GPD2: variants seen among roughly 807,000 people sequenced by gnomAD.
The protein encoded by GPD2 is glycerol-3-phosphate dehydrogenase, mitochondrial.
In GPD2, 54 loss-of-function variants were observed where a neutral mutation model predicts 82.4. The ratio of observed to expected loss-of-function variants is 0.66; its 90% CI spans 0.53 to 0.82. GPD2 has a LOEUF of 0.82. GPD2 is among the 40% of genes least tolerant of loss of function. The pLI, the probability that GPD2 is intolerant of heterozygous loss-of-function variation, is 0.00. For synonymous variants in GPD2, 288 were observed against 306.1 expected, an observed-to-expected ratio of 0.94 and a Z score of 0.62; for missense variants, 748 against 896.2, an observed-to-expected ratio of 0.83 and a Z score of 2.11.
At chr2:156,476,817 T>C (rs1683530575) in intron 2 of GPD2, among the ~76,000 whole-genome samples, 1 of 152,208 alleles carries the variant, frequency 6.6e-6, no homozygotes, top group South Asian at 2.1e-4. Flanking sequence ...CCGGAAATAA[T>C]TTTGCTGAAT....
At chr2:156,492,556 C>G (rs1684221325) in intron 2 of GPD2, among the ~76,000 whole-genome samples, 1 of 150,274 alleles carries the variant, frequency 6.7e-6, no homozygotes, top group African/African-American at 2.5e-5. Context: ...GGGTTTTATA[C>G]ATGGAAATGA....
chr2:156,416,321 C>T, the GPD2 span, among the ~76,000 whole-genome samples: 2 of 150,968 alleles, frequency 1.3e-5, no homozygotes, highest in African/African-American at 2.4e-5. Flanking sequence ...CTTTACTTTT[C>T]GTTAACTATT....
chr2:156,423,546 C>T, the GPD2 span, among the ~76,000 whole-genome samples: 1 of 152,072 alleles, frequency 6.6e-6, no homozygotes, highest in Non-Finnish European at 1.5e-5. Context: ...AAACACTGTT[C>T]CACATCTATT....
intron 6 of GPD2, among the ~76,000 whole-genome samples, chr2:156,519,215 G>T (rs1685306077): frequency 6.6e-6 from 1 of 151,658 alleles, no homozygotes; most frequent in Admixed American, 6.6e-5. Context: ...TTTTTTGGGG[G>T]GGGGCCACTA....
chr2:156,425,580 G>A, the GPD2 span, among the ~76,000 whole-genome samples: 1 of 152,108 alleles, frequency 6.6e-6, no homozygotes, highest in African/African-American at 2.4e-5. Context: ...AGTATTTGGG[G>A]CAAAAATCAT....
intron 1 of GPD2, among the ~76,000 whole-genome samples, chr2:156,438,215 C>T (rs903837953): frequency 2.0e-5 from 3 of 152,102 alleles, no homozygotes; most frequent in African/African-American, 2.4e-5. Flanking sequence ...AGTTGTGGAG[C>T]GGGGAGCCAA....
chr2:156,466,605 G>A (rs552895824), intron 1 of GPD2, among the ~76,000 whole-genome samples: 18 of 152,154 alleles, frequency 1.2e-4, no homozygotes, highest in Non-Finnish European at 2.2e-4. Context: ...GTGCAAACGT[G>A]TATCCTTGTG....
the GPD2 span, among the ~76,000 whole-genome samples, chr2:156,426,144 C>T: frequency 3.9e-5 from 6 of 152,016 alleles, no homozygotes; most frequent in Admixed American, 1.3e-4. Context: ...GGGATAGTCT[C>T]GATCTCCTGA....
At chr2:156,515,882 G>A (rs1327075754) in intron 6 of GPD2, among the ~76,000 whole-genome samples, 1 of 152,144 alleles carries the variant, frequency 6.6e-6, no homozygotes, top group African/African-American at 2.4e-5. Context: ...TAGTTTTGTG[G>A]TTTTACAACT....
At chr2:156,555,506 A>G (rs562671821) in intron 8 of GPD2, among the ~76,000 whole-genome samples, 1 of 152,138 alleles carries the variant, frequency 6.6e-6, no homozygotes, top group Non-Finnish European at 1.5e-5. Context: ...TCGTTTATCA[A>G]TTGTTAGAAT....
chr2:156,402,110 G>A, the GPD2 span, among the ~76,000 whole-genome samples: 1 of 152,240 alleles, frequency 6.6e-6, no homozygotes, highest in South Asian at 2.1e-4. Context: ...GGAAGCTGAG[G>A]CTCGTAGAGG....
chr2:156,507,377 A>G (rs1423621289), intron 3 of GPD2, among the ~76,000 whole-genome samples: 1 of 150,736 alleles, frequency 6.6e-6, no homozygotes, highest in East Asian at 1.9e-4. Context: ...GCTGAAGTGC[A>G]GCAGTGCAAT....
Position 156,538,231 on chromosome 2 carries a change from G to A in GPD2, c.662-11377G>A, listed in dbSNP as rs781195774. The stretch of plus-strand genomic sequence containing the variant: ...TTCAGAATAGCTGTTTTATTATTTC[G>A]CTTAGGGTGATCGGGCTCTGGTAAA... On this transcript the variant is annotated intron_variant, in intron 6 of 16. Coordinates refer to ENST00000438166, the MANE Select transcript of GPD2 (RefSeq NM_000408.5). 3.3e-5 allele frequency among the ~76,000 whole-genome samples: 5 copies of A among 152,078 alleles called. No homozygotes were observed. The East Asian group carries it at 5.8e-4, about 18-fold the overall frequency.
At chr2:156,489,880 C>T (rs1684109092) in intron 2 of GPD2, among the ~76,000 whole-genome samples, 1 of 136,926 alleles carries the variant, frequency 7.3e-6, no homozygotes, top group Admixed American at 7.2e-5. Context: ...CTTCCTTCCC[C>T]TCCCCTCCCC....
intron 2 of GPD2, among the ~76,000 whole-genome samples, chr2:156,487,567 C>T (rs112135704): frequency 9.9e-5 from 15 of 152,258 alleles, no homozygotes; most frequent in Non-Finnish European, 8.8e-5. Context: ...TTTGATTCTT[C>T]GAATTACTTG....
intron 1 of GPD2, among the ~76,000 whole-genome samples, chr2:156,460,202 C>G (rs1682941726): frequency 6.6e-6 from 1 of 152,176 alleles, no homozygotes; most frequent in Admixed American, 6.5e-5. Context: ...ATGTACTCTG[C>G]TGAATTCCAT....
intron 6 of GPD2, among the ~76,000 whole-genome samples, chr2:156,514,342 T>C (rs1452316902): frequency 1.3e-5 from 2 of 152,110 alleles, no homozygotes; most frequent in Non-Finnish European, 2.9e-5. Flanking sequence ...CAGATAATTA[T>C]ACATGTTCAA....
chr2:156,495,781 C>T (rs1244105184), intron 2 of GPD2: 2 of 456,666 alleles, frequency 4.4e-6, no homozygotes, highest in Non-Finnish European at 4.1e-6. Context: ...TTGAACTTGG[C>T]TGTATATGAA....
At chr2:156,449,162 T>C (rs1023456369) in intron 1 of GPD2, among the ~76,000 whole-genome samples, 9 of 152,210 alleles carry the variant, frequency 5.9e-5, no homozygotes, top group Non-Finnish European at 1.0e-4. Flanking sequence ...TGGTGAATTT[T>C]TTTTTTTCCT....
Sources: allele counts gnomAD v4.1 joint callset (sites outside exome capture counted in the v4.1 genomes callset), GRCh38; gene constraint gnomAD v4.1.1; transcripts MANE v1.5; gene names NCBI Gene and HGNC (gene_info 2026-07-23, HGNC 2026-07-21).